Variants in FMN1 observed in about 807,000 individuals in gnomAD.
FMN1 encodes formin 1, also known as formin-1.
Under a neutral mutation model 132.4 loss-of-function variants are expected in FMN1, and 110 were observed. That is an observed-to-expected ratio of 0.83 (90% CI 0.71 to 0.97). The LOEUF is 0.97. Ranked by LOEUF, FMN1 falls within the 50% of genes least tolerant of loss-of-function variation. The pLI is 0.00. For missense variants in FMN1, 1,792 were observed against 1,705.3 expected, an observed-to-expected ratio of 1.05 and a Z score of -0.90; for synonymous variants, 722 against 651.7, an observed-to-expected ratio of 1.11 and a Z score of -1.64.
At chr15:32,982,434 A>C (rs2032754158) in intron 7 of FMN1, among the ~76,000 whole-genome samples, 1 of 152,214 alleles carries the variant, frequency 6.6e-6, no homozygotes, top group Non-Finnish European at 1.5e-5. Context: ...AAGTGAAACA[A>C]AAACATAGGT....
intron 4 of FMN1, among the ~76,000 whole-genome samples, chr15:33,134,357 T>G (rs1963672467): frequency 6.6e-6 from 1 of 152,158 alleles, no homozygotes; most frequent in African/African-American, 2.4e-5. Flanking sequence ...CAGGAGGCAG[T>G]TGTGGGGGAG....
intron 2 of FMN1, among the ~76,000 whole-genome samples, chr15:33,193,700 G>A (rs902257391): frequency 6.6e-6 from 1 of 152,166 alleles, no homozygotes; most frequent in Non-Finnish European, 1.5e-5. Flanking sequence ...CCAGGAGACA[G>A]CAAGCAGAAA....
At chr15:33,112,822 A>G (rs554133275) in intron 4 of FMN1, among the ~76,000 whole-genome samples, 1 of 152,260 alleles carries the variant, frequency 6.6e-6, no homozygotes, top group African/African-American at 2.4e-5. Context: ...CAAGAAATGA[A>G]GGGCATTTGC....
At chr15:33,058,061 G>C (rs1360171750) in intron 6 of FMN1, among the ~76,000 whole-genome samples, 9 of 149,120 alleles carry the variant, frequency 6.0e-5, no homozygotes, top group East Asian at 1.9e-4. Context: ...AAGGTGTGGT[G>C]GGGCTGGTGG....
At chr15:32,805,975 TG>T (rs1567197315) in intron 17 of FMN1, among the ~76,000 whole-genome samples, 1 of 151,690 alleles carries the variant, frequency 6.6e-6, no homozygotes, top group Non-Finnish European at 1.5e-5. Flanking sequence ...GGTTTCATTT[TG>T]GGGTGGTTCT....
chr15:32,807,375 G>C (rs1471172043), intron 17 of FMN1, among the ~76,000 whole-genome samples: 1 of 152,316 alleles, frequency 6.6e-6, no homozygotes. Context: ...AATTAGTCTG[G>C]TACTTAGCCA....
At chr15:32,857,713 T>C (rs1195014114) in intron 16 of FMN1, among the ~76,000 whole-genome samples, 1 of 152,224 alleles carries the variant, frequency 6.6e-6, no homozygotes, top group African/African-American at 2.4e-5. Context: ...CATAATTTAC[T>C]TCAGATAGAC....
chr15:32,856,521 G>C (rs2059134727), intron 17 of FMN1, among the ~76,000 whole-genome samples: 1 of 152,198 alleles, frequency 6.6e-6, no homozygotes, highest in South Asian at 2.1e-4. Context: ...TAGGTAGCAA[G>C]TGATTGATGG....
chr15:32,896,295 C>G (rs773518278), intron 15 of FMN1, among the ~76,000 whole-genome samples: 37 of 151,652 alleles, frequency 2.4e-4, no homozygotes, highest in Admixed American at 1.2e-3. Context: ...ATTTTTAAAT[C>G]CTGGTCAAAT....
intron 6 of FMN1, chr15:33,012,134 AG>A (rs2034764113): frequency 4.2e-6 from 2 of 478,810 alleles, no homozygotes; most frequent in East Asian, 8.5e-5. Flanking sequence ...TGCACATCAG[AG>A]TCCCTCAAAG....
intron 7 of FMN1, among the ~76,000 whole-genome samples, chr15:33,000,304 C>T (rs1312406981): frequency 6.6e-6 from 1 of 152,044 alleles, no homozygotes; most frequent in Admixed American, 6.5e-5. Flanking sequence ...AAAAAATTAG[C>T]TGGGTGCAGT....
intron 11 of FMN1, among the ~76,000 whole-genome samples, chr15:32,909,584 AATC>A (rs2060508300): frequency 6.6e-6 from 1 of 152,184 alleles, no homozygotes; most frequent in South Asian, 2.1e-4. Flanking sequence ...ATATGAAACG[AATC>A]ATCTTTTGAA....
intron 20 of FMN1, among the ~76,000 whole-genome samples, chr15:32,776,421 T>C (rs2056419290): frequency 6.6e-6 from 1 of 152,220 alleles, no homozygotes; most frequent in Non-Finnish European, 1.5e-5. Flanking sequence ...CTGGGTAGGC[T>C]GTATCTTTCT....
intron 6 of FMN1, among the ~76,000 whole-genome samples, chr15:33,050,513 G>A (rs553288896): frequency 6.6e-6 from 1 of 152,236 alleles, no homozygotes; most frequent in East Asian, 1.9e-4. Context: ...GTCAATAAAT[G>A]AAAAGATGTC....
intron 6 of FMN1, among the ~76,000 whole-genome samples, chr15:33,055,819 A>T (rs915776573): frequency 6.6e-6 from 1 of 152,230 alleles, no homozygotes; most frequent in Non-Finnish European, 1.5e-5. Context: ...CACTATTAAG[A>T]GAGAGAAAAA....
intron 4 of FMN1, among the ~76,000 whole-genome samples, chr15:33,137,700 G>T (rs1963831510): frequency 6.6e-6 from 1 of 152,118 alleles, no homozygotes; most frequent in Non-Finnish European, 1.5e-5. Flanking sequence ...TTACACTGGG[G>T]TATGGCTTCT....
At chr15:32,890,864 T>C (rs373080646) in intron 15 of FMN1, among the ~76,000 whole-genome samples, 1 of 152,242 alleles carries the variant, frequency 6.6e-6, no homozygotes, top group Non-Finnish European at 1.5e-5. Flanking sequence ...AGAATTTTTA[T>C]AGTTTGAAGT....
At chr15:32,878,070 G>A (rs563723925) in intron 16 of FMN1, among the ~76,000 whole-genome samples, 72 of 152,298 alleles carry the variant, frequency 4.7e-4, no homozygotes, top group African/African-American at 1.6e-3. Context: ...GGCTGTAATA[G>A]ACAGTGCCTA....
intron 17 of FMN1, among the ~76,000 whole-genome samples, chr15:32,833,120 A>G (rs972673583): frequency 6.6e-6 from 1 of 152,096 alleles, no homozygotes; most frequent in South Asian, 2.1e-4. Context: ...TGCCCACTGC[A>G]TGCTAGCTTT....
Sources: allele counts gnomAD v4.1 joint callset (sites outside exome capture counted in the v4.1 genomes callset), GRCh38; gene constraint gnomAD v4.1.1; transcripts MANE v1.5; gene names NCBI Gene and HGNC (gene_info 2026-07-23, HGNC 2026-07-21).